Variants in GATB observed in about 807,000 individuals in gnomAD.
GATB encodes the protein glutamyl-tRNA amidotransferase subunit B.
In GATB, 39 loss-of-function variants were observed where a neutral mutation model predicts 62.3. The ratio of observed to expected loss-of-function variants is 0.63; its 90% confidence interval spans 0.48 to 0.82. GATB has a LOEUF of 0.82. Ranked by LOEUF, GATB falls within the 40% of genes least tolerant of loss-of-function variation. The pLI is 0.00. For missense variants in GATB, 670 were observed against 684.0 expected, an observed-to-expected ratio of 0.98 and a Z score of 0.23; for synonymous variants, 276 against 258.9, an observed-to-expected ratio of 1.07 and a Z score of -0.63.
Position 151,730,990 on chromosome 4 carries a change from G to A in GATB, c.328-11452C>T, listed in dbSNP as rs111274331. On this transcript the variant is annotated intron_variant, in intron 2 of 12. Transcript: ENST00000263985. This position sits in a 1 kb window ranked among gnomAD's most constrained non-coding sequence, Gnocchi z 4.1. ...TATTAAGCTAATCAGGGAGGGACCA[G>A]AGAAAGGCGAAGCCCAATGCAAGGA... 4.7e-3 allele frequency among the ~76,000 whole-genome samples: 709 copies of A among 152,362 alleles called. 7 individuals are homozygous for A. The highest frequency in any genetic ancestry group is 0.015 in the African/African-American group (640 of 41,582).
At chr4:151,678,244 G>A (rs978760502) in intron 11 of GATB, among the ~76,000 whole-genome samples, 1 of 152,188 alleles carries the variant, frequency 6.6e-6, no homozygotes, top group Non-Finnish European at 1.5e-5. Context: ...CATGCTGGAA[G>A]CTGATAAAAT....
At chr4:151,729,965 C>T (rs1460782344) in intron 2 of GATB, among the ~76,000 whole-genome samples, 2 of 152,150 alleles carry the variant, frequency 1.3e-5, no homozygotes, top group Non-Finnish European at 2.9e-5. Flanking sequence ...AAGAGCAGGC[C>T]AGCAATCCTG....
At chr4:151,716,831 G>T (rs2126977768) in intron 4 of GATB, 45 bp downstream of exon 4, 1 of 1,576,582 alleles carries the variant, frequency 6.3e-7, no homozygotes, top group South Asian at 1.1e-5. Flanking sequence ...TGCTATCCAA[G>T]AACTGAAGTA....
rs1560837247 is a variant in GATB, at chr4:151,670,998, C to G, written c.*176G>C. ...TGCTGGTCGGCTGTGGAGGCACCTC[C>G]AGGCACAGGGCCTAGAGGGTGAGAA... On this transcript the variant is annotated 3_prime_UTR_variant, in exon 13 of 13. Coordinates refer to ENST00000263985, the MANE Select transcript of GATB (RefSeq NM_004564.3). 2 of 721,812 alleles carry G rather than the reference C, an allele frequency of 2.8e-6. No individual in the cohort carries two copies. The highest frequency in any genetic ancestry group is 5.4e-5 in the Admixed American group (2 of 36,946). The allele number at this position is 721,812 out of a possible 1,614,324, so 44.7% of individuals were successfully genotyped here.
chr4:151,719,815 A>T, intron 2 of GATB: 1 of 302,514 alleles, frequency 3.3e-6, no homozygotes. Context: ...ATCAAAGCTA[A>T]CAGGAAGAGT....
chr4:151,726,655 G>C (rs2126983377), intron 2 of GATB, among the ~76,000 whole-genome samples: 1 of 152,194 alleles, frequency 6.6e-6, no homozygotes. Flanking sequence ...TTCCAAAGAA[G>C]AGAAGTGTAG....
intron 2 of GATB, among the ~76,000 whole-genome samples, chr4:151,734,513 A>G (rs571927353): frequency 7.4e-4 from 112 of 152,224 alleles, no homozygotes; most frequent in Non-Finnish European, 1.4e-3. Flanking sequence ...GAAAATGACC[A>G]TAGTGCCAAA....
In GATB at chr4:151,730,635, C is replaced by T. The variant is rs535016919; in HGVS notation, c.328-11097G>A. 2.6e-5 allele frequency among the ~76,000 whole-genome samples: 4 copies of T among 152,320 alleles called. No homozygotes were observed. Among genetic ancestry groups the T allele is most frequent in the East Asian group, 1.9e-4 (1 of 5,188 alleles). On this transcript the variant is annotated intron_variant, in intron 2 of 12. Coordinates refer to ENST00000263985, the MANE Select transcript of GATB (RefSeq NM_004564.3). This position sits in a 1 kb window ranked among gnomAD's most constrained non-coding sequence, Gnocchi z 4.1. Reference sequence around the variant, plus strand: ...AGCCCCCAGTGCCAGCCTGGAGCCACGAAGACTCACTGGGTGGCTAGACCC... The same window carrying T: ...AGCCCCCAGTGCCAGCCTGGAGCCATGAAGACTCACTGGGTGGCTAGACCC...
chr4:151,749,710 A>T lies in GATB; in HGVS notation c.327+9062T>A, dbSNP rs1350197193. Among the ~76,000 whole-genome samples, 3 of 152,092 alleles carry T rather than the reference A, an allele frequency of 2.0e-5. No individual in the cohort carries two copies. In the East Asian group the frequency reaches 5.8e-4, roughly 29 times the overall value. ...GTGTTTCCTCAACCTTTGACAACCA[A>T]ACCTCAAAACTTCCTCACACCTGGG... On this transcript the variant is annotated intron_variant, in intron 2 of 12. Coordinates refer to ENST00000263985, the MANE Select transcript of GATB (RefSeq NM_004564.3).
intron 2 of GATB, chr4:151,724,314 A>G (rs1410245560): frequency 6.6e-6 from 1 of 151,390 alleles, no homozygotes; most frequent in Non-Finnish European, 1.5e-5. Context: ...AACACCACCC[A>G]CTCCCACCAG....
chr4:151,758,899 A>G lies in GATB; in HGVS notation c.200T>C (p.Val67Ala). The change falls in exon 2 of 13, where the codon GTA (valine) becomes GCA (alanine). Residue 67 changes from valine (V) to alanine (A), a missense_variant. Physicochemically the swap from Val to Ala is moderately conservative, Grantham distance 64. Coordinates refer to ENST00000263985, the MANE Select transcript of GATB (RefSeq NM_004564.3). ...AATCTGGGCATGAATTTCCAAACCTACCACAGCAGCCCATTTGTGTTCACT... is the reference window on the plus strand; with the variant it reads ...AATCTGGGCATGAATTTCCAAACCTGCCACAGCAGCCCATTTGTGTTCACT... ...RKGEHKWAAV[V>A]GLEIHAQISS... 2 of 1,610,760 alleles carry G rather than the reference A, an allele frequency of 1.2e-6. No homozygotes were observed. The highest frequency in any genetic ancestry group is 1.7e-6 in the Non-Finnish European group (2 of 1,178,362).
chr4:151,678,153 C>G (rs1209868200), intron 11 of GATB, among the ~76,000 whole-genome samples: 1 of 152,166 alleles, frequency 6.6e-6, no homozygotes, highest in Non-Finnish European at 1.5e-5. Flanking sequence ...CGGGGACCCC[C>G]TTAAGCAACA....
intron 11 of GATB, 84 bp downstream of exon 11, chr4:151,679,729 C>A: frequency 9.2e-7 from 1 of 1,084,980 alleles, no homozygotes; most frequent in South Asian, 1.3e-5. Context: ...TGATGAAAGT[C>A]ACTCAGTGAT....
intron 2 of GATB, among the ~76,000 whole-genome samples, chr4:151,745,921 T>C (rs900965859): frequency 1.3e-5 from 2 of 152,242 alleles, no homozygotes; most frequent in Non-Finnish European, 2.9e-5. Flanking sequence ...TTATGGTCTT[T>C]TCCCCAGTTC....
At chr4:151,724,586 C>G (rs894085949) in intron 2 of GATB, 1 of 152,284 alleles carries the variant, frequency 6.6e-6, no homozygotes, top group Non-Finnish European at 1.5e-5. Flanking sequence ...GACCACCATG[C>G]TCCTGCAGCC....
chr4:151,716,827 C>T, intron 4 of GATB, 49 bp downstream of exon 4: 1 of 1,568,034 alleles, frequency 6.4e-7, no homozygotes. Flanking sequence ...GCCCTGCTAT[C>T]CAAGAACTGA....
chr4:151,758,724 TA>T, intron 2 of GATB, 47 bp downstream of exon 2: 3 of 1,383,750 alleles, frequency 2.2e-6, no homozygotes, highest in South Asian at 1.5e-5. Context: ...ATGTTCAATA[TA>T]AAATAAACAT....
At position 151,686,072 on chromosome 4, in the gene GATB, A is replaced by AC. The variant is rs924330595; in HGVS notation, c.1331+2557_1331+2558insG. On this transcript the variant is annotated intron_variant, in intron 10 of 12. Coordinates refer to ENST00000263985, the MANE Select transcript of GATB (RefSeq NM_004564.3). ...TGTCTAAAAAACAAAACAAAACAAAAAAAAGACAAAGAGGCAGCAGATGCC... is the reference window on the plus strand; with the variant it reads ...TGTCTAAAAAACAAAACAAAACAAAACAAAAGACAAAGAGGCAGCAGATGCC... Among the ~76,000 whole-genome samples the AC allele has an allele frequency of 9.9e-4, 150 of 151,318 alleles. No homozygotes were observed. In the Middle Eastern group the frequency reaches 0.01, roughly 10 times the overall value.
At chr4:151,741,823 T>C (rs1160389883) in intron 2 of GATB, among the ~76,000 whole-genome samples, 1 of 152,216 alleles carries the variant, frequency 6.6e-6, no homozygotes, top group Non-Finnish European at 1.5e-5. Flanking sequence ...GATGGCATCA[T>C]CATTTCTACA....
Sources: allele counts gnomAD v4.1 joint callset (sites outside exome capture counted in the v4.1 genomes callset), GRCh38; gene constraint gnomAD v4.1.1; non-coding constraint Gnocchi (gnomAD v3.1); transcripts MANE v1.5; gene names NCBI Gene and HGNC (gene_info 2026-07-23, HGNC 2026-07-21).